ZFYVE26: variants seen among roughly 807,000 people sequenced by gnomAD.
ZFYVE26 encodes zinc finger FYVE domain-containing protein 26.
Under a neutral mutation model 276.5 loss-of-function variants are expected in ZFYVE26, and 181 were observed. The ratio of observed to expected loss-of-function variants is 0.65; its 90% CI spans 0.58 to 0.74. The LOEUF is 0.74. Among genes scored for constraint, ZFYVE26 ranks in the 30% least tolerant of loss-of-function variants. ZFYVE26 has a pLI of 0.00. For missense variants in ZFYVE26, 2,821 were observed against 3,097.9 expected (o/e 0.91, Z 2.12); for synonymous variants, 1,129 against 1,203.1 (o/e 0.94, Z 1.27).
At chr14:67,805,155 A>G in intron 8 of ZFYVE26, 62 bp downstream of exon 8, 9 of 1,525,530 alleles carry the variant, frequency 5.9e-6, no homozygotes, top group Non-Finnish European at 8.1e-6. Context: ...ATGGCCACAC[A>G]TGCGGAGCAC....
chr14:67,765,966 C>G (rs2039045496), intron 32 of ZFYVE26, among the ~76,000 whole-genome samples: 1 of 152,170 alleles, frequency 6.6e-6, no homozygotes, highest in Non-Finnish European at 1.5e-5. Context: ...AGTCTTTACT[C>G]TCTTTCTGAC....
chr14:67,751,361 C>G (rs2038637493), intron 40 of ZFYVE26: 1 of 540,288 alleles, frequency 1.9e-6, no homozygotes, highest in Non-Finnish European at 3.3e-6. Flanking sequence ...CCTTAGGCAA[C>G]CTGGTGGTCC....
rs1236977719 is a variant in ZFYVE26, at chr14:67,798,134, G to T, written c.2128C>A (p.Gln710Lys). ...CTTCCTGAGCAGCTCTGACTTTCTT[G>T]CTTTGGCTTCTCAGGAGGGCTGCGG... ...SSRSPPEKPK[Q>K]ESQSCSGSRD... Residue 710 changes from glutamine (Q) to lysine (K), a missense_variant, in exon 11 of 42, where the codon CAA becomes AAA. Coordinates refer to ENST00000347230, the MANE Select transcript of ZFYVE26 (RefSeq NM_015346.4). 2.5e-6 allele frequency: 4 copies of T among 1,614,114 alleles called. No homozygotes were observed. Among genetic ancestry groups the T allele is most frequent in the Non-Finnish European group, 3.4e-6 (4 of 1,179,994 alleles).
intron 41 of ZFYVE26, chr14:67,750,376 T>A: frequency 6.4e-6 from 1 of 155,850 alleles, no homozygotes; most frequent in Non-Finnish European, 1.4e-5. Context: ...GACTCAGCTG[T>A]CAGATAATTT....
intron 27 of ZFYVE26, 97 bp from the exon 28 acceptor site, chr14:67,772,307 T>A: frequency 7.3e-7 from 1 of 1,364,248 alleles, no homozygotes; most frequent in East Asian, 2.5e-5. Context: ...TACAAACCGT[T>A]ATTGAAAGAA....
rs796974032 is a variant in ZFYVE26 at position 67,767,833 on chromosome 14, G to C, written c.5661C>G (p.Asp1887Glu). The C allele has an allele frequency of 6.2e-7, 1 of 1,614,146 alleles. No homozygotes were observed. Among genetic ancestry groups the C allele is most frequent in the Admixed American group, 1.7e-5 (1 of 60,024 alleles). ...ATGGAGGGCTTTCATTCTTGGAGCT[G>C]TCTAGAGCTGAGAAGAGAAATGCCA... ...EEPSEKPEAL[D>E]SSKNESPPYS... The change falls in exon 31 of 42, where the codon GAC becomes GAG. Residue 1887 changes from aspartate (D) to glutamate (E), a missense_variant. Transcript: ENST00000347230.
In ZFYVE26 at chr14:67,794,246, G is replaced by C; in HGVS notation, c.2333-7C>G. The stretch of plus-strand genomic sequence containing the variant: ...GAACCTCTGTCTCGGCCATCTACAG[G>C]TATTGGGAAGAAGAGAGAAAGTCAA... On this transcript the variant is annotated splice_region_variant and splice_polypyrimidine_tract_variant and intron_variant, in intron 12 of 41. Coordinates refer to ENST00000347230, the MANE Select transcript of ZFYVE26 (RefSeq NM_015346.4). The C allele has an allele frequency of 6.2e-7, 1 of 1,613,876 alleles. No individual in the cohort carries two copies. The highest frequency in any genetic ancestry group is 8.5e-7 in the Non-Finnish European group (1 of 1,179,716).
intron 40 of ZFYVE26, chr14:67,751,353 T>G (rs1342906098): frequency 1.8e-6 from 1 of 551,534 alleles, no homozygotes; most frequent in African/African-American, 1.9e-5. Context: ...TCACCCCTCC[T>G]TAGGCAACCT....
At position 67,807,521 on chromosome 14, in the gene ZFYVE26, G is replaced by A. The variant is rs267604034; in HGVS notation, c.763C>T (p.Arg255Trp). 8.1e-5 allele frequency: 131 copies of A among 1,614,040 alleles called. No individual in the cohort carries two copies. Among genetic ancestry groups the A allele is most frequent in the Middle Eastern group, 1.6e-4 (1 of 6,084 alleles). ...AGGCAGCTGAGCAGCCGCTCCTCCC[G>A]CAGGGGACTCCCCTCGGTCCTGCAG... is the stretch of plus-strand genomic sequence containing the variant. ...EACRTEGSPL[R>W]EERLLSCLLH... The change falls in exon 5 of 42, where the codon CGG becomes TGG. Residue 255 changes from arginine to tryptophan, a missense_variant. By Grantham distance (101) the Arg-to-Trp change is moderately radical (BLOSUM62 -3). Transcript: ENST00000347230.
At chr14:67,753,173 G>T (rs2047038447) in intron 39 of ZFYVE26, among the ~76,000 whole-genome samples, 1 of 152,206 alleles carries the variant, frequency 6.6e-6, no homozygotes, top group Admixed American at 6.5e-5. Flanking sequence ...CCTGCTCTCA[G>T]CTCCTGGGGT....
chr14:67,783,042 G>A lies in ZFYVE26; in HGVS notation c.4110C>T (p.Leu1370=), dbSNP rs753815763. ...CTCGCAGGGGCTCCCAGGCAGCCAG[G>A]AGGAAGGCCTCAAACAGAGGGAATT... ...LEQFPLFEAF[L]LAAWEPLRGS... Residue 1370 remains leucine (L), a synonymous_variant, in exon 21 of 42, where the codon CTC becomes CTT. Coordinates refer to ENST00000347230, the MANE Select transcript of ZFYVE26 (RefSeq NM_015346.4). 3.1e-6 allele frequency: 5 copies of A among 1,614,088 alleles called. No homozygotes were observed. In the Admixed American group the frequency reaches 5.0e-5, roughly 16 times the overall value.
intron 12 of ZFYVE26, chr14:67,797,446 A>T: frequency 1.7e-6 from 1 of 595,888 alleles, no homozygotes; most frequent in Admixed American, 2.7e-5. Flanking sequence ...AATATATAGT[A>T]TAATGCATGT....
chr14:67,775,909 G>A lies in ZFYVE26; in HGVS notation c.5172C>T (p.Tyr1724=), dbSNP rs759141456. The A allele has an allele frequency of 9.3e-6, 15 of 1,614,066 alleles. No individual in the cohort carries two copies. Among genetic ancestry groups the A allele is most frequent in the Admixed American group, 5.0e-5 (3 of 60,006 alleles). Residue 1724 remains tyrosine, a synonymous_variant, in exon 26 of 42, where the codon TAC becomes TAT. Transcript: ENST00000347230. ...ATGGAAAGTCCAGGGCTTTCTCTGC[G>A]TATCTGGAAAGCAGTGAGTCCACCT... ...MDEVDSLLSR[Y]AEKALDFPYP...
intron 10 of ZFYVE26, 142 bp downstream of exon 10, chr14:67,801,937 G>T: frequency 1.1e-6 from 1 of 883,710 alleles, no homozygotes; most frequent in Non-Finnish European, 1.8e-6. Flanking sequence ...GAGGCTGACA[G>T]ATGGATGAAA....
rs2039118160 is a variant in ZFYVE26, at chr14:67,768,496, G to A, written c.5653+21C>T. 5.0e-6 allele frequency: 8 copies of A among 1,613,726 alleles called. No homozygotes were observed. In the African/African-American group the frequency reaches 6.7e-5, roughly 13 times the overall value. ...TTAAGTACACAAATGAAGAGTCACAGAGAACGGGATTTGGCCTTACCTTCT... is the reference window on the plus strand; with the variant it reads ...TTAAGTACACAAATGAAGAGTCACAAAGAACGGGATTTGGCCTTACCTTCT... On this transcript the variant is annotated intron_variant, in intron 30 of 41. Transcript: ENST00000347230.
rs1304056031 is a variant in ZFYVE26, at chr14:67,802,278, T to C, written c.1440A>G (p.Ala480=). 2 of 1,614,152 alleles carry C rather than the reference T, an allele frequency of 1.2e-6. No homozygotes were observed. Among genetic ancestry groups the C allele is most frequent in the South Asian group, 1.1e-5 (1 of 91,062 alleles). The change falls in exon 10 of 42, where the codon GCA becomes GCG. Residue 480 remains alanine (A), a synonymous_variant. Transcript: ENST00000347230. ...GGTGCTCAGGGACTGGAGCATCAAC[T>C]GCATCTGAATTACAAAGAGAAACAG... The part of the protein sequence containing the change: ...PAKDPQQEPD[A]VDAPVPEHLS...
At chr14:67,799,371 C>T (rs1208474262) in intron 10 of ZFYVE26, 1 of 1,610,442 alleles carries the variant, frequency 6.2e-7, no homozygotes, top group Non-Finnish European at 8.5e-7. Flanking sequence ...GTCAAAGAAT[C>T]GAAACAAAAG....
chr14:67,809,788 T>C (rs1424939958), intron 3 of ZFYVE26, among the ~76,000 whole-genome samples: 18 of 143,576 alleles, frequency 1.3e-4, no homozygotes, highest in African/African-American at 3.3e-4. Flanking sequence ...TTCTCTTTTT[T>C]TTTTTTTTTT....
intron 13 of ZFYVE26, chr14:67,735,056 A>G (rs1449267061): frequency 2.9e-6 from 2 of 684,106 alleles, no homozygotes; most frequent in Non-Finnish European, 5.4e-6. Flanking sequence ...ATGCACTTAC[A>G]ACCAACAGCA....
Sources: allele counts gnomAD v4.1 joint callset (sites outside exome capture counted in the v4.1 genomes callset), GRCh38; gene constraint gnomAD v4.1.1; transcripts MANE v1.5; gene names NCBI Gene and HGNC (gene_info 2026-07-23, HGNC 2026-07-21).